The following CUX1 variants were observed in gnomAD, a reference collection of about 807,000 sequenced individuals.
CUX1 encodes the protein protein CASP.
Under a neutral mutation model 158.8 loss-of-function variants are expected in CUX1, and 31 were observed. The ratio of observed to expected loss-of-function variants is 0.20; its 90% CI spans 0.15 to 0.26. CUX1 has a LOEUF of 0.26. Ranked by LOEUF, CUX1 falls within the 10% of genes least tolerant of loss-of-function variation. The pLI is 1.00. For missense variants in CUX1, 1,589 were observed against 2,014.6 expected (o/e 0.79, Z 4.04); for synonymous variants, 879 against 862.1 (o/e 1.02, Z -0.34).
In CUX1 at chr7:102,248,580, C is replaced by A; in HGVS notation, c.4056C>A (p.Thr1352=). 6.7e-7 allele frequency: 1 copy of A among 1,484,256 alleles called. No individual in the cohort carries two copies. The allele number at this position is 1,484,256 out of a possible 1,614,324, so 91.9% of individuals were successfully genotyped here. Residue 1352 remains threonine, a synonymous_variant, in exon 24 of 24, where the codon ACC becomes ACA. Coordinates refer to ENST00000292535, the MANE Select transcript of CUX1 (RefSeq NM_181552.4). This position sits in a 1 kb window ranked among gnomAD's most constrained non-coding sequence, Gnocchi z 5.8. The part of the protein sequence containing the change: ...EATEGPGSAD[T]EEPKSQGEAE... ...CTGAGGGCCCAGGCAGCGCCGACAC[C>A]GAGGAGCCCAAGTCTCAGGGAGAGG...
At chr7:102,096,863 T>C (rs782730801) in intron 4 of CUX1, among the ~76,000 whole-genome samples, 3 of 152,172 alleles carry the variant, frequency 2.0e-5, no homozygotes, top group Non-Finnish European at 4.4e-5. Context: ...GTTGTAAGGC[T>C]CAAAAGACAC....
chr7:101,974,071 A>G (rs1812355339), intron 2 of CUX1, among the ~76,000 whole-genome samples: 1 of 147,458 alleles, frequency 6.8e-6, no homozygotes, highest in African/African-American at 2.5e-5. Flanking sequence ...CCCGGCCCAG[A>G]TTCTTTTTTT....
intron 3 of CUX1, among the ~76,000 whole-genome samples, chr7:102,049,232 C>G (rs892601532): frequency 2.0e-5 from 3 of 152,200 alleles, no homozygotes; most frequent in African/African-American, 7.2e-5. Context: ...GCAGACTCAG[C>G]GCAGCCCTTT....
intron 2 of CUX1, among the ~76,000 whole-genome samples, chr7:102,027,352 G>A (rs1289210349): frequency 2.0e-5 from 3 of 151,802 alleles, no homozygotes; most frequent in Non-Finnish European, 4.4e-5. Flanking sequence ...CAGATTAGGC[G>A]ACAGAGCGAG....
At chr7:102,111,201 C>T (rs1417151705) in intron 6 of CUX1, among the ~76,000 whole-genome samples, 3 of 151,872 alleles carry the variant, frequency 2.0e-5, no homozygotes, top group African/African-American at 7.3e-5. Flanking sequence ...AATGCAGTTG[C>T]GAGCATTCAC....
intron 2 of CUX1, among the ~76,000 whole-genome samples, chr7:101,992,796 C>T (rs1157695102): frequency 6.8e-6 from 1 of 146,316 alleles, no homozygotes; most frequent in Non-Finnish European, 1.5e-5. Flanking sequence ...CCCCCTCCAA[C>T]CCCCGCCCCG....
chr7:102,038,139 A>G (rs1477710123), intron 3 of CUX1, among the ~76,000 whole-genome samples: 1 of 152,124 alleles, frequency 6.6e-6, no homozygotes, highest in Non-Finnish European at 1.5e-5. Context: ...GCCGTTCTCA[A>G]TACTTTTCAC....
intron 2 of CUX1, among the ~76,000 whole-genome samples, chr7:101,941,378 G>C (rs989571793): frequency 6.6e-6 from 1 of 152,324 alleles, no homozygotes; most frequent in Non-Finnish European, 1.5e-5. Flanking sequence ...CCTCCTTTGC[G>C]GGTCTGCTTA....
intron 8 of CUX1, among the ~76,000 whole-genome samples, chr7:102,117,508 C>T (rs536337477): frequency 4.0e-5 from 6 of 150,350 alleles, no homozygotes; most frequent in East Asian, 3.9e-4. Flanking sequence ...TGAGCCAGAG[C>T]GGGGAAAGGT....
intron 1 of CUX1, among the ~76,000 whole-genome samples, chr7:101,843,156 G>T (rs933771139): frequency 6.6e-6 from 1 of 152,028 alleles, no homozygotes; most frequent in Non-Finnish European, 1.5e-5. Flanking sequence ...GTGAGCCACC[G>T]TGCCTGGCCT....
chr7:101,842,791 T>A (rs950761606), intron 1 of CUX1, among the ~76,000 whole-genome samples: 1 of 142,232 alleles, frequency 7.0e-6, no homozygotes, highest in Admixed American at 6.9e-5. Context: ...GATGTATTGG[T>A]TTTTTTTTTT....
chr7:102,271,226 C>T (rs1380280253), intron 14 of CUX1, among the ~76,000 whole-genome samples: 1 of 152,200 alleles, frequency 6.6e-6, no homozygotes, highest in Non-Finnish European at 1.5e-5. Flanking sequence ...AATGTGGCTT[C>T]CCTGAGCCTT....
intron 20 of CUX1, among the ~76,000 whole-genome samples, chr7:102,211,939 C>T (rs1796584069): frequency 1.3e-5 from 2 of 152,256 alleles, no homozygotes; most frequent in South Asian, 4.1e-4. Context: ...TGGGGGGCCG[C>T]CCCAAGAGCC....
intron 2 of CUX1, among the ~76,000 whole-genome samples, chr7:102,002,644 C>T (rs17134978): frequency 0.041 from 6,184 of 152,202 alleles, 437 homozygotes; most frequent in African/African-American, 0.14. Context: ...CCTGTTCTAT[C>T]GAGTCTGAAG....
chr7:101,982,948 C>G (rs1223380581), intron 2 of CUX1, among the ~76,000 whole-genome samples: 1 of 143,816 alleles, frequency 7.0e-6, no homozygotes, highest in Non-Finnish European at 1.5e-5. Flanking sequence ...AATCCCCTTT[C>G]TGGGTGGTGT....
intron 1 of CUX1, among the ~76,000 whole-genome samples, chr7:101,832,242 A>G (rs1026081762): frequency 6.6e-6 from 1 of 152,160 alleles, no homozygotes; most frequent in Non-Finnish European, 1.5e-5. Context: ...TGGCCCTGGC[A>G]TTTCAGGCAG....
intron 3 of CUX1, among the ~76,000 whole-genome samples, chr7:102,064,087 A>G (rs1250829192): frequency 1.3e-5 from 2 of 152,202 alleles, no homozygotes; most frequent in Non-Finnish European, 2.9e-5. Context: ...AGTGTGAGGC[A>G]TGGCAGGAGG....
chr7:101,942,837 G>A (rs1807875361), intron 2 of CUX1, among the ~76,000 whole-genome samples: 1 of 152,206 alleles, frequency 6.6e-6, no homozygotes, highest in African/African-American at 2.4e-5. Context: ...AGCTCTTGGT[G>A]CCTGGGGTGG....
chr7:102,004,750 C>T (rs540710030), intron 2 of CUX1, among the ~76,000 whole-genome samples: 27 of 152,096 alleles, frequency 1.8e-4, no homozygotes, highest in Admixed American at 1.3e-3. Flanking sequence ...AAGCAGCCAT[C>T]CTCACAGGGC....
Sources: allele counts gnomAD v4.1 joint callset (sites outside exome capture counted in the v4.1 genomes callset), GRCh38; gene constraint gnomAD v4.1.1; non-coding constraint Gnocchi (gnomAD v3.1); transcripts MANE v1.5; gene names NCBI Gene and HGNC (gene_info 2026-07-23, HGNC 2026-07-21).